ARGFX: variants seen among roughly 807,000 people sequenced by gnomAD.
The protein encoded by ARGFX is arginine-fifty homeobox.
ARGFX carries 10 observed loss-of-function variants against 8.0 expected under a neutral mutation model. The observed-to-expected ratio is 1.25, with a 90% confidence interval of 0.77 to 2.12. The LOEUF (loss-of-function observed/expected upper bound fraction) is 2.12, where lower values mean the gene tolerates loss of function less well. Among genes scored for constraint, ARGFX ranks in the 30% most tolerant of loss-of-function variants. ARGFX has a pLI of 0.00. For synonymous variants in ARGFX, 116 were observed against 117.8 expected (o/e 0.98, Z 0.10); for missense variants, 282 against 324.3 (o/e 0.87, Z 1.00).
At chr3:121,570,304 TA>T (rs1377822587) in intron 1 of ARGFX, among the ~76,000 whole-genome samples, 1 of 152,206 alleles carries the variant, frequency 6.6e-6, no homozygotes, top group African/African-American at 2.4e-5. Context: ...GCAAGTGGTG[TA>T]AAAAACAATC....
chr3:121,589,051 C>T lies in ARGFX; in HGVS notation c.*2451C>T, dbSNP rs764677577. Among the ~76,000 whole-genome samples, 3 of 151,976 alleles carry T rather than the reference C, an allele frequency of 2.0e-5. No homozygotes were observed. Among genetic ancestry groups the T allele is most frequent in the Non-Finnish European group, 4.4e-5 (3 of 67,984 alleles). ...TTAGCTGGGCATGACGGCCAGAGCC[C>T]ATGGTCCCAGCTACTCGAGAGGCTG... On this transcript the variant is annotated 3_prime_UTR_variant, in exon 5 of 5. Transcript: ENST00000334384.
At chr3:121,584,195 A>G (rs972989485) in intron 3 of ARGFX, among the ~76,000 whole-genome samples, 1 of 130,758 alleles carries the variant, frequency 7.6e-6, no homozygotes, top group Non-Finnish European at 1.7e-5. Context: ...AGAGAGAGAG[A>G]CAGAGAGAGA....
chr3:121,580,014 G>A (rs543498123), intron 3 of ARGFX, among the ~76,000 whole-genome samples: 6 of 134,784 alleles, frequency 4.5e-5, no homozygotes, highest in African/African-American at 1.1e-4. Flanking sequence ...GTGCAGTGGC[G>A]CGGTCTCAGC....
chr3:121,571,579 T>A (rs111766998), intron 2 of ARGFX, among the ~76,000 whole-genome samples: 57 of 148,744 alleles, frequency 3.8e-4, no homozygotes, highest in African/African-American at 4.2e-4. Context: ...TATTATTATT[T>A]TTTGAGACAG....
At position 121,584,808 on chromosome 3, in the gene ARGFX, G is replaced by C. The variant is rs373804660; in HGVS notation, c.221-109G>C. On this transcript the variant is annotated intron_variant, in intron 3 of 4. Transcript: ENST00000334384. ...GATCCTAAGCCTGGTTGGAGGAAAGGCATGAGAGATTCACCATGGTGATTT... is the reference window on the plus strand; with the variant it reads ...GATCCTAAGCCTGGTTGGAGGAAAGCCATGAGAGATTCACCATGGTGATTT... 1.7e-5 allele frequency: 22 copies of C among 1,285,762 alleles called. No individual in the cohort carries two copies. In the East Asian group the frequency reaches 3.5e-4, roughly 20 times the overall value. 79.6% of individuals were successfully genotyped at this position (1,285,762 alleles called of 1,614,324 possible). A position where few individuals can be genotyped will look rare whatever the true frequency, so the allele number is the denominator to read the frequency against.
chr3:121,573,367 G>C (rs1256925560), intron 2 of ARGFX, among the ~76,000 whole-genome samples: 1 of 151,882 alleles, frequency 6.6e-6, no homozygotes, highest in Non-Finnish European at 1.5e-5. Flanking sequence ...TGTAATCTCA[G>C]CTACTTGGGA....
chr3:121,575,564 G>A (rs975188813), intron 2 of ARGFX, among the ~76,000 whole-genome samples: 6 of 152,102 alleles, frequency 3.9e-5, no homozygotes, highest in Admixed American at 2.0e-4. Flanking sequence ...AGCATGCACG[G>A]CCTCTTGAGT....
rs527616510 is a variant in ARGFX, at chr3:121,586,955, T to A, written c.*355T>A. Among the ~76,000 whole-genome samples the A allele has an allele frequency of 4.1e-4, 62 of 152,258 alleles. No homozygotes were observed. In the South Asian group the frequency reaches 8.7e-3, roughly 21 times the overall value. On this transcript the variant is annotated 3_prime_UTR_variant, in exon 5 of 5. Transcript: ENST00000334384. ...CCCAGGCTGGAATACAGTGGTACAG[T>A]CACGGCTCACAAAAGCCTTGACCTC...
rs2048802110 is a variant in ARGFX, at chr3:121,584,936, A to G, written c.240A>G (p.Lys80=). 6.2e-7 allele frequency: 1 copy of G among 1,613,504 alleles called. No homozygotes were observed. The highest frequency in any genetic ancestry group is 8.5e-7 in the Non-Finnish European group (1 of 1,179,978). ...CTGAAGCAATACGGAGAAGGCATAA[A>G]GAACGTACTTCTTTCACCCACCAAC... ...AATTAIRRRH[K]ERTSFTHQQY... Residue 80 remains lysine (K), a synonymous_variant, in exon 4 of 5, where the codon AAA becomes AAG. Coordinates refer to ENST00000334384, the MANE Select transcript of ARGFX (RefSeq NM_001012659.2).
Position 121,587,903 on chromosome 3 carries a change from A to G in ARGFX, c.*1303A>G, listed in dbSNP as rs890096860. 6.6e-6 allele frequency among the ~76,000 whole-genome samples: 1 copy of G among 152,048 alleles called. No individual in the cohort carries two copies. Among genetic ancestry groups the G allele is most frequent in the Non-Finnish European group, 1.5e-5 (1 of 68,006 alleles). On this transcript the variant is annotated 3_prime_UTR_variant, in exon 5 of 5. Coordinates refer to ENST00000334384, the MANE Select transcript of ARGFX (RefSeq NM_001012659.2). Reference sequence around the variant, plus strand: ...TGGGTTTTTTTAAAATGAGACTTTCAGTCCTAATTTGAGGGGAAATTACTG... The same window carrying G: ...TGGGTTTTTTTAAAATGAGACTTTCGGTCCTAATTTGAGGGGAAATTACTG...
chr3:121,582,515 G>A (rs1033280690), intron 3 of ARGFX, among the ~76,000 whole-genome samples: 1 of 152,044 alleles, frequency 6.6e-6, no homozygotes, highest in East Asian at 1.9e-4. Context: ...GATATTATAA[G>A]TTTAGAAATA....
At position 121,568,914 on chromosome 3, in the gene ARGFX, T is replaced by C. The variant is rs142360017; in HGVS notation, c.-13+901T>C. Among the ~76,000 whole-genome samples the C allele has an allele frequency of 3.9e-3, 599 of 152,312 alleles. 4 individuals carry two copies. The highest frequency in any genetic ancestry group is 8.4e-3 in the African/African-American group (350 of 41,574). The stretch of plus-strand genomic sequence containing the variant: ...TGTTATTGCTGTTCCAATTTTTTGG[T>C]CTCAGAACCTCTTTATATTCTTAAA... On this transcript the variant is annotated intron_variant, in intron 1 of 4. Transcript: ENST00000334384.
chr3:121,587,983 C>T lies in ARGFX; in HGVS notation c.*1383C>T, dbSNP rs2048822648. ...AAAAATAATATATATATATATAGTA[C>T]AATGGTCCAGACATAATAAGAGGTG... On this transcript the variant is annotated 3_prime_UTR_variant, in exon 5 of 5. Transcript: ENST00000334384. Among the ~76,000 whole-genome samples the T allele has an allele frequency of 6.6e-6, 1 of 151,100 alleles. No homozygotes were observed. The highest frequency in any genetic ancestry group is 2.4e-5 in the African/African-American group (1 of 41,082).
chr3:121,584,324 A>G (rs560308999), intron 3 of ARGFX, among the ~76,000 whole-genome samples: 20 of 152,130 alleles, frequency 1.3e-4, no homozygotes, highest in Non-Finnish European at 2.1e-4. Context: ...TTGCCAGATG[A>G]GATGGACTGG....
At position 121,587,882 on chromosome 3, in the gene ARGFX, T is replaced by G. The variant is rs11712050; in HGVS notation, c.*1282T>G. Among the ~76,000 whole-genome samples the G allele has an allele frequency of 0.29, 43,258 of 151,780 alleles. 6,527 individuals are homozygous for G. The highest frequency in any genetic ancestry group is 0.61 in the East Asian group (3,162 of 5,156). On this transcript the variant is annotated 3_prime_UTR_variant, in exon 5 of 5. Transcript: ENST00000334384. ...CCTTGTTGCCCAGGCTGAATTTGGG[T>G]TTTTTTAAAATGAGACTTTCAGTCC...
intron 2 of ARGFX, among the ~76,000 whole-genome samples, chr3:121,573,383 C>T (rs191310020): frequency 8.3e-4 from 125 of 151,380 alleles, no homozygotes; most frequent in Admixed American, 3.3e-3. Flanking sequence ...TGGGAGGCTG[C>T]GGTGGGAGAA....
chr3:121,577,255 ATATAT>A (rs1158985007), intron 3 of ARGFX, among the ~76,000 whole-genome samples: 2 of 56,150 alleles, frequency 3.6e-5, no homozygotes, highest in Admixed American at 2.9e-4. Flanking sequence ...ATATATATAT[ATATAT>A]TTTTTTTTTT....
At chr3:121,581,318 C>G in intron 3 of ARGFX, among the ~76,000 whole-genome samples, 1 of 152,132 alleles carries the variant, frequency 6.6e-6, no homozygotes, top group East Asian at 1.9e-4. Context: ...GTATATATGA[C>G]ATTGAATGCA....
intron 3 of ARGFX, among the ~76,000 whole-genome samples, chr3:121,580,127 C>T (rs1416049022): frequency 2.0e-5 from 3 of 150,756 alleles, no homozygotes; most frequent in Non-Finnish European, 3.0e-5. Flanking sequence ...TTTGTAGAGA[C>T]GGGATTTCAC....
Sources: gnomAD v4.1 joint callset for allele counts (sites outside exome capture counted in the v4.1 genomes callset) on GRCh38, gnomAD v4.1.1 for gene constraint, MANE v1.5 for transcripts, NCBI Gene and HGNC (gene_info 2026-07-23, HGNC 2026-07-21) for gene names.